The following COL24A1 variants were observed in gnomAD, a reference collection of about 807,000 sequenced individuals.
COL24A1 encodes collagen type XXIV alpha 1 chain.
Under a neutral mutation model 253.9 loss-of-function variants are expected in COL24A1, and 224 were observed. The observed-to-expected ratio is 0.88, with a 90% CI of 0.79 to 0.99. The LOEUF (loss-of-function observed/expected upper bound fraction) is 0.99, where lower values mean the gene tolerates loss of function less well. COL24A1 is among the 50% of genes least tolerant of loss of function. The pLI is 0.00. For missense variants in COL24A1, 2,131 were observed against 2,068.5 expected (o/e 1.03, Z -0.59); for synonymous variants, 685 against 673.7 (o/e 1.02, Z -0.26).
At chr1:85,945,000 GTGTTTTTTTTTTTTTTTTTT>G (rs1274373516) in intron 24 of COL24A1, among the ~76,000 whole-genome samples, 9 of 36,124 alleles carry the variant, frequency 2.5e-4, no homozygotes, top group Admixed American at 1.9e-3. Context: ...GTCTATCATT[GTGTTTTTTTTTTTTTTTTTT>G]TTTTTTTTTT....
intron 19 of COL24A1, among the ~76,000 whole-genome samples, chr1:86,013,575 C>T (rs1696730677): frequency 6.6e-6 from 1 of 152,196 alleles, no homozygotes; most frequent in African/African-American, 2.4e-5. Flanking sequence ...GTGGCTCATG[C>T]CTATAATCCC....
intron 37 of COL24A1, among the ~76,000 whole-genome samples, chr1:85,857,146 T>C (rs1272112288): frequency 6.6e-6 from 1 of 152,158 alleles, no homozygotes; most frequent in African/African-American, 2.4e-5. Flanking sequence ...CTTTTGTAGA[T>C]ATCACCTGGT....
intron 19 of COL24A1, among the ~76,000 whole-genome samples, chr1:86,016,459 G>T (rs7547855): frequency 0.058 from 8,801 of 152,136 alleles, 557 homozygotes; most frequent in African/African-American, 0.16. Context: ...TATGTACACT[G>T]ATATGTGTGT....
At position 85,729,659 on chromosome 1, in the gene COL24A1, T is replaced by C. The variant is rs1663285202; in HGVS notation, c.*887A>G. ...TATCATTCCAGATGATCATGAACTT[T>C]AAAAACAGTATGGCACAACCCCCAA... On this transcript the variant is annotated 3_prime_UTR_variant, in exon 60 of 60. Coordinates refer to ENST00000370571, the MANE Select transcript of COL24A1 (RefSeq NM_152890.7). 6.6e-6 allele frequency: 1 copy of C among 152,592 alleles called. No individual in the cohort carries two copies. Among genetic ancestry groups the C allele is most frequent in the Non-Finnish European group, 1.5e-5 (1 of 68,026 alleles). 9.5% of individuals were successfully genotyped at this position (152,592 alleles called of 1,614,324 possible).
intron 12 of COL24A1, among the ~76,000 whole-genome samples, chr1:86,041,413 T>A (rs1699473194): frequency 6.6e-6 from 1 of 152,138 alleles, no homozygotes; most frequent in East Asian, 1.9e-4. Flanking sequence ...CTAGCATAAA[T>A]TTTTTAGGTC....
chr1:85,890,885 T>C (rs1571103012), intron 31 of COL24A1, among the ~76,000 whole-genome samples: 1 of 152,114 alleles, frequency 6.6e-6, no homozygotes, highest in African/African-American at 2.4e-5. Context: ...TTACACTCTT[T>C]GTAGTACCAT....
intron 1 of COL24A1, chr1:86,156,074 G>T (rs1396199454): frequency 2.8e-6 from 1 of 363,520 alleles, no homozygotes; most frequent in African/African-American, 2.1e-5. Flanking sequence ...CTGGACCTCG[G>T]GACTCGCGCC....
chr1:85,903,476 A>G (rs1684518461), intron 28 of COL24A1, among the ~76,000 whole-genome samples: 1 of 152,228 alleles, frequency 6.6e-6, no homozygotes, highest in Admixed American at 6.5e-5. Context: ...AAAGTCAAAT[A>G]GCATTATAAT....
intron 5 of COL24A1, among the ~76,000 whole-genome samples, chr1:86,104,531 G>A (rs553883674): frequency 6.6e-6 from 1 of 152,282 alleles, no homozygotes; most frequent in African/African-American, 2.4e-5. Context: ...CTTTGAAATT[G>A]ATGTCCTTTG....
chr1:86,021,557 T>C (rs1697541128), intron 18 of COL24A1, among the ~76,000 whole-genome samples: 1 of 152,146 alleles, frequency 6.6e-6, no homozygotes, highest in Non-Finnish European at 1.5e-5. Context: ...ACCAACTTTG[T>C]AGGATTGTTG....
At chr1:85,905,471 G>T (rs1684724848) in intron 28 of COL24A1, among the ~76,000 whole-genome samples, 1 of 152,028 alleles carries the variant, frequency 6.6e-6, no homozygotes, top group South Asian at 2.1e-4. Flanking sequence ...TATGTTTTCT[G>T]TATGCCCAAT....
intron 31 of COL24A1, among the ~76,000 whole-genome samples, chr1:85,892,953 G>T (rs1452603350): frequency 1.3e-5 from 2 of 151,744 alleles, no homozygotes; most frequent in Non-Finnish European, 2.9e-5. Flanking sequence ...CAATAAAAAG[G>T]ACACAAAGAA....
At chr1:86,156,891 A>G (rs1653705302), upstream of COL24A1, 2 of 152,432 alleles carry the variant, frequency 1.3e-5, no homozygotes, top group African/African-American at 4.8e-5. Flanking sequence ...AAGCACACAC[A>G]CCCACTTCGG....
chr1:85,928,609 C>G (rs1475278096), intron 24 of COL24A1, among the ~76,000 whole-genome samples: 1 of 48,892 alleles, frequency 2.0e-5, no homozygotes. Context: ...TCGAGAAGAG[C>G]AACTCCAAGA....
At chr1:85,941,392 T>C (rs962821305) in intron 24 of COL24A1, among the ~76,000 whole-genome samples, 2 of 152,126 alleles carry the variant, frequency 1.3e-5, no homozygotes, top group Non-Finnish European at 2.9e-5. Context: ...GTATGGAGGA[T>C]TATTAGTCTA....
chr1:86,117,033 T>C (rs565803775), intron 3 of COL24A1, among the ~76,000 whole-genome samples: 1 of 152,254 alleles, frequency 6.6e-6, no homozygotes, highest in South Asian at 2.1e-4. Context: ...TGAATTTATG[T>C]CCCCAAAAAT....
At chr1:85,919,436 T>G (rs556717155) in intron 24 of COL24A1, among the ~76,000 whole-genome samples, 1 of 152,166 alleles carries the variant, frequency 6.6e-6, no homozygotes, top group Non-Finnish European at 1.5e-5. Context: ...CCCAGCACTT[T>G]GGGAGGTTAA....
chr1:86,020,241 T>C (rs1463504688), intron 18 of COL24A1, among the ~76,000 whole-genome samples: 3 of 151,956 alleles, frequency 2.0e-5, no homozygotes, highest in African/African-American at 7.2e-5. Context: ...GTAATTTTTG[T>C]ATTTTTAGTA....
intron 47 of COL24A1, among the ~76,000 whole-genome samples, chr1:85,800,901 A>G (rs1271573767): frequency 6.6e-6 from 1 of 152,204 alleles, no homozygotes; most frequent in African/African-American, 2.4e-5. Flanking sequence ...CCAAAACTCA[A>G]AAAGAGGGAT....
Sources: gnomAD v4.1 joint callset for allele counts (sites outside exome capture counted in the v4.1 genomes callset) on GRCh38, gnomAD v4.1.1 for gene constraint, MANE v1.5 for transcripts, NCBI Gene and HGNC (gene_info 2026-07-23, HGNC 2026-07-21) for gene names.